The following GLO1 variants were observed in gnomAD, a reference collection of about 807,000 sequenced individuals.
The protein encoded by GLO1 is lactoylglutathione lyase.
Under a neutral mutation model 26.0 loss-of-function variants are expected in GLO1, and 28 were observed. The observed-to-expected ratio is 1.08, with a 90% CI of 0.80 to 1.48. The LOEUF (loss-of-function observed/expected upper bound fraction) is 1.48. Ranked by LOEUF, GLO1 falls within the 40% of genes most tolerant of loss-of-function variation. The probability of loss-of-function intolerance (pLI) is 0.00; values close to 1 mark genes in which losing one functional copy is unlikely to be tolerated. For synonymous variants in GLO1, 78 were observed against 77.6 expected (o/e 1.00, Z -0.03); for missense variants, 225 against 224.8 (o/e 1.00, Z -0.01).
chr6:38,680,564 G>A (rs897434133), intron 5 of GLO1, among the ~76,000 whole-genome samples: 3 of 152,106 alleles, frequency 2.0e-5, no homozygotes, highest in South Asian at 2.1e-4. Flanking sequence ...TTTTGGTTGA[G>A]GTATTTAAAT....
Position 38,703,007 on chromosome 6 carries a change from G to A in GLO1, c.48C>T (p.Ala16=). ...PPSGGLTDEA[A]LSCCSDADPS... ...GGTCCGCGTCGGAGCAGCAACTGAGGGCGGCCTCGTCCGTGAGGCCGCCGG... is the reference window on the plus strand; with the variant it reads ...GGTCCGCGTCGGAGCAGCAACTGAGAGCGGCCTCGTCCGTGAGGCCGCCGG... The change falls in exon 1 of 6, where the codon GCC becomes GCT. Residue 16 remains alanine (A), a synonymous_variant. Transcript: ENST00000373365. 1 of 1,599,440 alleles carries A rather than the reference G, an allele frequency of 6.3e-7. No individual in the cohort carries two copies. Among genetic ancestry groups the A allele is most frequent in the Non-Finnish European group, 8.5e-7 (1 of 1,169,754 alleles).
chr6:38,686,892 G>T lies in GLO1; in HGVS notation c.167C>A (p.Thr56Lys). 4 of 1,519,386 alleles carry T rather than the reference G, an allele frequency of 2.6e-6. No homozygotes were observed. The highest frequency in any genetic ancestry group is 3.7e-6 in the Non-Finnish European group (4 of 1,094,074). The allele number at this position is 1,519,386 out of a possible 1,614,324, so 94.1% of individuals were successfully genotyped here. A position where few individuals can be genotyped will look rare whatever the true frequency, so the allele number is the denominator to read the frequency against. The stretch of plus-strand genomic sequence containing the variant: ...AGGTGCCAATAAGTACTTGACTTAC[G>T]TCATTCCAAGAACTCTAGTATAAAA... Reference protein sequence around the residue: ...LDFYTRVLGMTLIQKCDFPIM... With the variant: ...LDFYTRVLGMKLIQKCDFPIM... Residue 56 changes from threonine (T) to lysine (K), a missense_variant and splice_region_variant, in exon 2 of 6, where the codon ACG becomes AAG. By Grantham distance (78) the Thr-to-Lys change is moderately conservative (BLOSUM62 -1). Coordinates refer to ENST00000373365, the MANE Select transcript of GLO1 (RefSeq NM_006708.3).
chr6:38,680,352 T>C (rs1422947964), intron 5 of GLO1, among the ~76,000 whole-genome samples: 1 of 151,962 alleles, frequency 6.6e-6, no homozygotes, highest in Non-Finnish European at 1.5e-5. Context: ...AGAAACCCCG[T>C]CTCTACTAAA....
intron 2 of GLO1, among the ~76,000 whole-genome samples, chr6:38,686,225 T>C (rs1761458275): frequency 6.6e-6 from 1 of 152,218 alleles, no homozygotes; most frequent in Non-Finnish European, 1.5e-5. Flanking sequence ...AGACATATAT[T>C]ACTTAAATTT....
chr6:38,690,368 T>C (rs1052789282), intron 1 of GLO1, among the ~76,000 whole-genome samples: 4 of 152,094 alleles, frequency 2.6e-5, no homozygotes, highest in African/African-American at 9.7e-5. Context: ...AACCACTAAC[T>C]GCCTCTAACA....
chr6:38,701,314 G>A (rs1761695080), intron 1 of GLO1, among the ~76,000 whole-genome samples: 2 of 151,942 alleles, frequency 1.3e-5, no homozygotes, highest in Admixed American at 6.6e-5. Context: ...ACCAAGCCAG[G>A]GCCTGGCACA....
chr6:38,677,408 T>C (rs755482508), intron 5 of GLO1, 25 bp from the exon 6 acceptor site: 1 of 982,550 alleles, frequency 1.0e-6, no homozygotes, highest in Non-Finnish European at 1.6e-6. Context: ...TTTTCATTAT[T>C]GAAAAGACTA....
intron 3 of GLO1, among the ~76,000 whole-genome samples, chr6:38,683,841 C>T (rs976948789): frequency 4.0e-5 from 6 of 151,550 alleles, no homozygotes; most frequent in African/African-American, 7.3e-5. Flanking sequence ...GAGCCGAGAT[C>T]GCGCCACTGC....
At chr6:38,697,106 G>T (rs1761622786) in intron 1 of GLO1, among the ~76,000 whole-genome samples, 1 of 151,864 alleles carries the variant, frequency 6.6e-6, no homozygotes, top group African/African-American at 2.4e-5. Flanking sequence ...GTAGACACAG[G>T]GTTTCACCAT....
At chr6:38,687,790 C>T (rs1761477561) in intron 1 of GLO1, among the ~76,000 whole-genome samples, 1 of 152,158 alleles carries the variant, frequency 6.6e-6, no homozygotes, top group South Asian at 2.1e-4. Flanking sequence ...GAAGCTGACA[C>T]TGAGTAATTA....
chr6:38,677,392 T>C lies in GLO1; in HGVS notation c.467-9A>G, dbSNP rs377138840. ...CAGGCCTTTCATTTTACCTGTAAAA[T>C]GAAAATTTTCATTATTGAAAAGACT... On this transcript the variant is annotated splice_polypyrimidine_tract_variant and intron_variant, in intron 5 of 5. Coordinates refer to ENST00000373365, the MANE Select transcript of GLO1 (RefSeq NM_006708.3). 1.1e-4 allele frequency: 133 copies of C among 1,254,858 alleles called. No individual in the cohort carries two copies. Among genetic ancestry groups the C allele is most frequent in the Admixed American group, 6.1e-4 (34 of 55,628 alleles). 77.7% of individuals were successfully genotyped at this position (1,254,858 alleles called of 1,614,324 possible). A position where few individuals can be genotyped will look rare whatever the true frequency, so the allele number is the denominator to read the frequency against.
Position 38,684,474 on chromosome 6 carries a change from G to A in GLO1, c.208C>T (p.Leu70Phe). Residue 70 changes from leucine to phenylalanine, a missense_variant, in exon 3 of 6, where the codon CTC (leucine) becomes TTC (phenylalanine). Physicochemically the swap from Leu to Phe is conservative, Grantham distance 22. Coordinates refer to ENST00000373365, the MANE Select transcript of GLO1 (RefSeq NM_006708.3). The part of the protein sequence containing the change: ...KCDFPIMKFS[L>F]YFLAYEDKND... Reference sequence around the variant, plus strand: ...TTATCCTCATAAGCCAAGAAGTAGAGTGAAAACTTCATAATGGGAAAATCA... The same window carrying A: ...TTATCCTCATAAGCCAAGAAGTAGAATGAAAACTTCATAATGGGAAAATCA... 2.6e-6 allele frequency: 4 copies of A among 1,561,746 alleles called. No individual in the cohort carries two copies. The highest frequency in any genetic ancestry group is 3.5e-6 in the Non-Finnish European group (4 of 1,154,610).
chr6:38,678,149 A>G (rs778385176), intron 5 of GLO1, among the ~76,000 whole-genome samples: 1 of 152,192 alleles, frequency 6.6e-6, no homozygotes, highest in South Asian at 2.1e-4. Context: ...CAAAACTGAG[A>G]TTGAGAGTCT....
chr6:38,686,166 ATTAC>A (rs1406912874), intron 2 of GLO1, among the ~76,000 whole-genome samples: 3 of 152,198 alleles, frequency 2.0e-5, no homozygotes, highest in Non-Finnish European at 4.4e-5. Context: ...GAGGGAAGCT[ATTAC>A]TTTTCATTTT....
intron 1 of GLO1, among the ~76,000 whole-genome samples, chr6:38,692,863 ATCCTAGATATAAACC>A (rs1554187230): frequency 6.7e-6 from 1 of 150,082 alleles, no homozygotes; most frequent in Non-Finnish European, 1.5e-5. Flanking sequence ...CCAGGCTTGC[ATCCTAGATATAAACC>A]TCACTTGGTT....
At chr6:38,694,947 T>A (rs1025011700) in intron 1 of GLO1, among the ~76,000 whole-genome samples, 1 of 152,218 alleles carries the variant, frequency 6.6e-6, no homozygotes, top group Non-Finnish European at 1.5e-5. Context: ...AATATCTGCA[T>A]GAATTATCTT....
chr6:38,685,819 C>T (rs1222628105), intron 2 of GLO1, among the ~76,000 whole-genome samples: 2 of 152,072 alleles, frequency 1.3e-5, no homozygotes, highest in Non-Finnish European at 2.9e-5. Context: ...CAACTTGTAC[C>T]CTATTTGGGG....
At chr6:38,692,247 T>G (rs1761542286) in intron 1 of GLO1, among the ~76,000 whole-genome samples, 1 of 152,216 alleles carries the variant, frequency 6.6e-6, no homozygotes, top group African/African-American at 2.4e-5. Flanking sequence ...AGCATATGTG[T>G]CCTGTAAATG....
At chr6:38,692,351 GTA>G (rs985657877) in intron 1 of GLO1, among the ~76,000 whole-genome samples, 4 of 152,168 alleles carry the variant, frequency 2.6e-5, no homozygotes, top group Non-Finnish European at 5.9e-5. Flanking sequence ...TTCTTTGCTA[GTA>G]TATAGAAACG....
Sources: allele counts gnomAD v4.1 joint callset (sites outside exome capture counted in the v4.1 genomes callset), GRCh38; gene constraint gnomAD v4.1.1; transcripts MANE v1.5; gene names NCBI Gene and HGNC (gene_info 2026-07-23, HGNC 2026-07-21).